Variants in RBM11 observed in about 807,000 individuals in gnomAD.
RBM11 encodes splicing regulator RBM11.
RBM11 carries 18 observed loss-of-function variants against 21.4 expected under a neutral mutation model. That is an observed-to-expected ratio of 0.84 (90% confidence interval 0.58 to 1.25). RBM11 has a LOEUF of 1.25. Among genes scored for constraint, RBM11 ranks in the 50% most tolerant of loss-of-function variants. The probability of loss-of-function intolerance (pLI) is 0.00; values close to 1 mark genes in which losing one functional copy is unlikely to be tolerated. For synonymous variants in RBM11, 120 were observed against 116.3 expected, an observed-to-expected ratio of 1.03 and a Z score of -0.20; for missense variants, 294 against 331.9, an observed-to-expected ratio of 0.89 and a Z score of 0.89.
At chr21:14,216,453 TG>T (rs1037083210) in intron 1 of RBM11, among the ~76,000 whole-genome samples, 171 bp downstream of exon 1, 1 of 151,930 alleles carries the variant, frequency 6.6e-6, no homozygotes, top group African/African-American at 2.4e-5. Flanking sequence ...GGGAGTGAAA[TG>T]AGGGCGCGTT....
At chr21:14,218,621 A>G (rs924856796) in intron 1 of RBM11, among the ~76,000 whole-genome samples, 1 of 152,226 alleles carries the variant, frequency 6.6e-6, no homozygotes, top group Admixed American at 6.5e-5. Context: ...CTTAACACAC[A>G]GAATTATTTT....
intron 3 of RBM11, among the ~76,000 whole-genome samples, chr21:14,224,113 T>G (rs1213336329): frequency 6.6e-6 from 1 of 152,206 alleles, no homozygotes; most frequent in East Asian, 1.9e-4. Context: ...ACAGTCTGTC[T>G]TCAAATTTCC....
At position 14,224,502 on chromosome 21, in the gene RBM11, T is replaced by G. The variant is rs1978936206; in HGVS notation, c.397T>G (p.Ser133Ala). The change falls in exon 4 of 5, where the codon TCT becomes GCT. Residue 133 changes from serine to alanine, a missense_variant. Coordinates refer to ENST00000400577, the MANE Select transcript of RBM11 (RefSeq NM_144770.5). ...PMQYFPINNTSLPQEYFLFQK... is the reference protein window; with the variant it reads ...PMQYFPINNTALPQEYFLFQK... ...GCAGTATTTTCCAATTAATAATACT[T>G]CTTTACCTCAAGAATATTTTCTCTT... 6.4e-7 allele frequency: 1 copy of G among 1,557,776 alleles called. No individual in the cohort carries two copies. The highest frequency in any genetic ancestry group is 1.9e-5 in the Admixed American group (1 of 51,906).
chr21:14,221,765 A>C (rs1338008192), intron 3 of RBM11, among the ~76,000 whole-genome samples: 1 of 152,196 alleles, frequency 6.6e-6, no homozygotes, highest in Non-Finnish European at 1.5e-5. Flanking sequence ...TGTTCAAATT[A>C]CAGCTTTTGT....
rs1435404206 is a variant in RBM11 at position 14,221,089 on chromosome 21, T to C, written c.260-8T>C. 1 of 1,562,612 alleles carries C rather than the reference T, an allele frequency of 6.4e-7. No individual in the cohort carries two copies. The highest frequency in any genetic ancestry group is 1.9e-5 in the Admixed American group (1 of 51,738). On this transcript the variant is annotated splice_region_variant and splice_polypyrimidine_tract_variant and intron_variant, in intron 2 of 4. Coordinates refer to ENST00000400577, the MANE Select transcript of RBM11 (RefSeq NM_144770.5). The stretch of plus-strand genomic sequence containing the variant: ...ATGAAGTAACCTGTTACTCTGTTTC[T>C]TTCAAAGGGAGTTCTCGCTCTTCTG...
intron 3 of RBM11, among the ~76,000 whole-genome samples, chr21:14,221,834 C>T (rs1361943714): frequency 6.6e-6 from 1 of 152,138 alleles, no homozygotes; most frequent in African/African-American, 2.4e-5. Context: ...GCTTAGCACA[C>T]TTAGGAAAAG....
chr21:14,220,310 A>T (rs533493694), intron 2 of RBM11, among the ~76,000 whole-genome samples: 1 of 152,258 alleles, frequency 6.6e-6, no homozygotes, highest in African/African-American at 2.4e-5. Flanking sequence ...ATCATTCATG[A>T]TTAGCTGCCA....
chr21:14,216,377 TC>T, intron 1 of RBM11, 95 bp downstream of exon 1: 2 of 1,001,078 alleles, frequency 2.0e-6, no homozygotes, highest in Non-Finnish European at 3.1e-6. Flanking sequence ...CCCCCTTCCG[TC>T]CCATCCTGAG....
rs749825945 is a variant in RBM11 at position 14,219,521 on chromosome 21, AT to A, written c.97-41del. 7.5e-5 allele frequency: 104 copies of A among 1,382,788 alleles called. No individual in the cohort carries two copies. The African/African-American group carries it at 1.0e-3, about 14-fold the overall frequency. 85.7% of individuals were successfully genotyped at this position (1,382,788 alleles called of 1,614,324 possible). A position where few individuals can be genotyped will look rare whatever the true frequency, so the allele number is the denominator to read the frequency against. On this transcript the variant is annotated intron_variant, in intron 1 of 4. Coordinates refer to ENST00000400577, the MANE Select transcript of RBM11 (RefSeq NM_144770.5). ...ATTTACTTATTTGAGTATAAAAAAA[AT>A]CTTTGGATTTATGAGAAAATAATTT...
chr21:14,219,709 C>T lies in RBM11; in HGVS notation c.243C>T (p.Asn81=), dbSNP rs144556384. 8 of 1,595,260 alleles carry T rather than the reference C, an allele frequency of 5.0e-6. No homozygotes were observed. Among genetic ancestry groups the T allele is most frequent in the Middle Eastern group, 1.7e-4 (1 of 6,020 alleles). Reference sequence around the variant, plus strand: ...TTCGTTTATATGGAAGACCAATTAACGTGCAGTATCGATTTGGTAGGTCCT... The same window carrying T: ...TTCGTTTATATGGAAGACCAATTAATGTGCAGTATCGATTTGGTAGGTCCT... ...NGIRLYGRPI[N]VQYRFGSSRS... The change falls in exon 2 of 5, where the codon AAC becomes AAT. Residue 81 remains asparagine, a synonymous_variant. Transcript: ENST00000400577.
intron 3 of RBM11, among the ~76,000 whole-genome samples, chr21:14,222,219 G>A (rs1978729376): frequency 6.6e-6 from 1 of 151,818 alleles, no homozygotes; most frequent in Admixed American, 6.6e-5. Flanking sequence ...GTATGATATA[G>A]ATAGAGATCT....
intron 4 of RBM11, 35 bp downstream of exon 4, chr21:14,224,572 A>G: frequency 6.6e-7 from 1 of 1,522,258 alleles, no homozygotes. Context: ...AGTATATAAT[A>G]TGATACAAAC....
At chr21:14,217,593 A>G (rs1469888647) in intron 1 of RBM11, among the ~76,000 whole-genome samples, 1 of 152,170 alleles carries the variant, frequency 6.6e-6, no homozygotes, top group Non-Finnish European at 1.5e-5. Flanking sequence ...TTATTATTTG[A>G]AAAATATTAT....
At chr21:14,226,211 A>G (rs886478134) in intron 4 of RBM11, among the ~76,000 whole-genome samples, 11 of 152,216 alleles carry the variant, frequency 7.2e-5, no homozygotes, top group Admixed American at 7.2e-4. Context: ...CATTAATTTT[A>G]TATCATTTAC....
At position 14,227,502 on chromosome 21, in the gene RBM11, CATG is replaced by C. The variant is rs939669640; in HGVS notation, c.*212_*214del. 7.3e-6 allele frequency: 4 copies of C among 549,430 alleles called. No individual in the cohort carries two copies. The highest frequency in any genetic ancestry group is 3.7e-5 in the Admixed American group (1 of 26,898). 34.0% of individuals were successfully genotyped at this position (549,430 alleles called of 1,614,324 possible). A position where few individuals can be genotyped will look rare whatever the true frequency, so the allele number is the denominator to read the frequency against. ...ATAATGTACCACTTTTTGTATTTGT[CATG>C]ATATTTTTGACCCATTGGCAACAAA... On this transcript the variant is annotated 3_prime_UTR_variant, in exon 5 of 5. Transcript: ENST00000400577.
chr21:14,227,347 A>G lies in RBM11; in HGVS notation c.*54A>G. On this transcript the variant is annotated 3_prime_UTR_variant, in exon 5 of 5. Transcript: ENST00000400577. ...CTGATCTTAGTTCTCTTATGAAAAA[A>G]ATAAGATGTTATCCCATCAAATAAA... 1.3e-6 allele frequency: 2 copies of G among 1,493,498 alleles called. No homozygotes were observed. The highest frequency in any genetic ancestry group is 9.0e-7 in the Non-Finnish European group (1 of 1,112,416). 92.5% of individuals were successfully genotyped at this position (1,493,498 alleles called of 1,614,324 possible). A position where few individuals can be genotyped will look rare whatever the true frequency, so the allele number is the denominator to read the frequency against.
intron 1 of RBM11, among the ~76,000 whole-genome samples, chr21:14,216,773 G>T (rs1170234050): frequency 1.3e-5 from 2 of 152,122 alleles, no homozygotes; most frequent in Non-Finnish European, 2.9e-5. Flanking sequence ...CCAACTTACC[G>T]TGACTGTGAC....
intron 3 of RBM11, among the ~76,000 whole-genome samples, chr21:14,223,375 T>C (rs1978835173): frequency 6.6e-6 from 1 of 152,196 alleles, no homozygotes; most frequent in Non-Finnish European, 1.5e-5. Context: ...TTTTAATGAA[T>C]ATTCCCTGTG....
intron 3 of RBM11, among the ~76,000 whole-genome samples, chr21:14,221,800 A>G (rs1459728633): frequency 1.3e-5 from 2 of 152,176 alleles, no homozygotes; most frequent in African/African-American, 4.8e-5. Flanking sequence ...AAACAGTGAA[A>G]AGCAAGAAGA....
Sources: allele counts gnomAD v4.1 joint callset (sites outside exome capture counted in the v4.1 genomes callset), GRCh38; gene constraint gnomAD v4.1.1; transcripts MANE v1.5; gene names NCBI Gene and HGNC (gene_info 2026-07-23, HGNC 2026-07-21).